The following IQCJ variants were observed in gnomAD, a reference collection of about 807,000 sequenced individuals.
IQCJ encodes the protein IQ domain-containing protein J.
In IQCJ, 9 loss-of-function variants were observed where a neutral mutation model predicts 11.0. The ratio of observed to expected loss-of-function variants is 0.82; its 90% CI spans 0.49 to 1.43. IQCJ has a LOEUF of 1.43. IQCJ is among the 40% of genes most tolerant of loss of function. IQCJ has a pLI of 0.00. For missense variants in IQCJ, 146 were observed against 133.2 expected, an observed-to-expected ratio of 1.10 and a Z score of -0.47; for synonymous variants, 55 against 51.3, an observed-to-expected ratio of 1.07 and a Z score of -0.31.
Position 159,069,450 on chromosome 3 carries a change from T to G in IQCJ, c.9+9T>G. On this transcript the variant is annotated intron_variant, in intron 1 of 3. Transcript: ENST00000397832. ...ACTTCAAAATGCGTCTGGTAATGTA[T>G]TTGCTTTTCTAAACGTGCCACTTTG... is the stretch of plus-strand genomic sequence containing the variant. 6.2e-7 allele frequency: 1 copy of G among 1,608,544 alleles called. No individual in the cohort carries two copies. The highest frequency in any genetic ancestry group is 1.1e-5 in the South Asian group (1 of 90,132).
intron 1 of IQCJ, among the ~76,000 whole-genome samples, chr3:159,160,526 ATTATT>A (rs1054847570): frequency 4.0e-5 from 6 of 150,942 alleles, no homozygotes; most frequent in Non-Finnish European, 7.4e-5. Context: ...TTTTTATTTT[ATTATT>A]TTATTTTATT....
chr3:159,122,307 C>T (rs1719422941), intron 1 of IQCJ, among the ~76,000 whole-genome samples: 1 of 152,272 alleles, frequency 6.6e-6, no homozygotes, highest in South Asian at 2.1e-4. Flanking sequence ...ATATTCAGTT[C>T]ATAACAGATT....
At chr3:159,092,916 A>G (rs1717438181) in intron 1 of IQCJ, among the ~76,000 whole-genome samples, 1 of 151,692 alleles carries the variant, frequency 6.6e-6, no homozygotes, top group Non-Finnish European at 1.5e-5. Context: ...GTACTTTCAA[A>G]TACCTAAATT....
chr3:159,176,105 AT>A (rs1405127551), intron 1 of IQCJ, among the ~76,000 whole-genome samples: 7 of 152,238 alleles, frequency 4.6e-5, no homozygotes, highest in African/African-American at 1.7e-4. Flanking sequence ...TTCTTTTCAA[AT>A]CTTTTGTCCA....
At chr3:159,126,125 C>T (rs897389976) in intron 1 of IQCJ, among the ~76,000 whole-genome samples, 1 of 152,174 alleles carries the variant, frequency 6.6e-6, no homozygotes, top group Non-Finnish European at 1.5e-5. Flanking sequence ...TTTCTCTGAT[C>T]CTCCCAGAAA....
chr3:159,077,397 G>A (rs1715996448), intron 1 of IQCJ, among the ~76,000 whole-genome samples: 1 of 152,012 alleles, frequency 6.6e-6, no homozygotes, highest in Admixed American at 6.6e-5. Context: ...AAAGACATGT[G>A]GTGAAGTTTT....
Position 159,095,061 on chromosome 3 carries a change from G to A in IQCJ, c.9+25620G>A, listed in dbSNP as rs1292139207. Among the ~76,000 whole-genome samples the A allele has an allele frequency of 2.0e-5, 3 of 151,720 alleles. No individual in the cohort carries two copies. The East Asian group carries it at 5.8e-4, about 29-fold the overall frequency. On this transcript the variant is annotated intron_variant, in intron 1 of 3. Coordinates refer to ENST00000397832, the MANE Select transcript of IQCJ (RefSeq NM_001042706.3). ...AGTTCTTGGTGCAGCAAGGACACTG[G>A]TTGCCACATATTTTGAATATCTCTT...
chr3:159,190,273 C>G (rs1441830901), intron 1 of IQCJ, among the ~76,000 whole-genome samples: 1 of 152,150 alleles, frequency 6.6e-6, no homozygotes, highest in Non-Finnish European at 1.5e-5. Context: ...AGCATATAAT[C>G]AAGAAAAACA....
chr3:159,179,905 A>G (rs1191258509), intron 1 of IQCJ, among the ~76,000 whole-genome samples: 1 of 152,128 alleles, frequency 6.6e-6, no homozygotes, highest in Non-Finnish European at 1.5e-5. Flanking sequence ...ATTTTTCTCA[A>G]GTAGATTAAG....
At chr3:159,202,350 C>T (rs1381144647) in intron 1 of IQCJ, among the ~76,000 whole-genome samples, 1 of 152,174 alleles carries the variant, frequency 6.6e-6, no homozygotes, top group Non-Finnish European at 1.5e-5. Flanking sequence ...ACACAAAACT[C>T]AGGGCCAGAT....
chr3:159,227,038 A>G (rs1325112800), intron 1 of IQCJ, among the ~76,000 whole-genome samples: 1 of 152,208 alleles, frequency 6.6e-6, no homozygotes, highest in Admixed American at 6.5e-5. Flanking sequence ...ACAGCTGCTG[A>G]AATCAGGAGG....
intron 2 of IQCJ, among the ~76,000 whole-genome samples, 162 bp downstream of exon 2, chr3:159,246,069 T>G (rs1247228627): frequency 6.6e-6 from 1 of 152,188 alleles, no homozygotes; most frequent in East Asian, 1.9e-4. Context: ...GGTAGATAAA[T>G]GTATGACTAG....
intron 1 of IQCJ, among the ~76,000 whole-genome samples, chr3:159,071,186 G>T (rs1342862865): frequency 1.3e-5 from 2 of 151,852 alleles, no homozygotes; most frequent in African/African-American, 4.8e-5. Context: ...TATCAACCAT[G>T]TTCAATTTAT....
chr3:159,128,700 C>T (rs1719818942), intron 1 of IQCJ, among the ~76,000 whole-genome samples: 1 of 152,110 alleles, frequency 6.6e-6, no homozygotes, highest in African/African-American at 2.4e-5. Context: ...AGATTAGTCT[C>T]CCTAAAGATC....
In IQCJ at chr3:159,263,182, G is replaced by A. The variant is rs1355467569; in HGVS notation, c.*451G>A. The A allele has an allele frequency of 7.0e-6, 4 of 569,760 alleles. No individual in the cohort carries two copies. The highest frequency in any genetic ancestry group is 8.9e-6 in the Non-Finnish European group (4 of 449,720). The allele number at this position is 569,760 out of a possible 1,614,324, so 35.3% of individuals were successfully genotyped here. ...GGCTGAGCTGTGCCCCTGGCTACAC[G>A]GAGAACATAGACCTCACCTGAAGGG... On this transcript the variant is annotated 3_prime_UTR_variant, in exon 4 of 4. Coordinates refer to ENST00000397832, the MANE Select transcript of IQCJ (RefSeq NM_001042706.3).
intron 1 of IQCJ, among the ~76,000 whole-genome samples, chr3:159,196,763 C>T (rs564788754): frequency 1.6e-4 from 24 of 152,280 alleles, no homozygotes; most frequent in African/African-American, 5.3e-4. Flanking sequence ...GAAATCAAGG[C>T]ACTGAGATGT....
intron 1 of IQCJ, among the ~76,000 whole-genome samples, chr3:159,086,920 GCCT>G (rs1716820901): frequency 6.6e-6 from 1 of 152,028 alleles, no homozygotes; most frequent in African/African-American, 2.4e-5. Flanking sequence ...TCCTTCTCCT[GCCT>G]AATTGCCCTG....
chr3:159,233,338 G>A (rs780403580), intron 1 of IQCJ, among the ~76,000 whole-genome samples: 2 of 152,152 alleles, frequency 1.3e-5, no homozygotes, highest in Non-Finnish European at 2.9e-5. Context: ...GTCCTGATGA[G>A]TTTGGCATTT....
intron 1 of IQCJ, among the ~76,000 whole-genome samples, chr3:159,105,264 A>G (rs1188919030): frequency 4.6e-5 from 7 of 152,224 alleles, no homozygotes; most frequent in Admixed American, 4.6e-4. Flanking sequence ...TTAGACTCAG[A>G]AGCCTTTGGG....
Sources: allele counts gnomAD v4.1 joint callset (sites outside exome capture counted in the v4.1 genomes callset), GRCh38; gene constraint gnomAD v4.1.1; transcripts MANE v1.5; gene names NCBI Gene and HGNC (gene_info 2026-07-23, HGNC 2026-07-21).